Variants in MARCHF2 observed in about 807,000 individuals in gnomAD.
MARCHF2 encodes the protein E3 ubiquitin-protein ligase MARCHF2.
A neutral mutation model predicts 24.0 loss-of-function variants in MARCHF2; 22 were observed. The observed-to-expected ratio is 0.92, with a 90% confidence interval of 0.66 to 1.31. The LOEUF (loss-of-function observed/expected upper bound fraction) is 1.31, where lower values mean the gene tolerates loss of function less well. MARCHF2 is among the 50% of genes most tolerant of loss of function. MARCHF2 has a pLI of 0.00. For missense variants in MARCHF2, 301 were observed against 335.3 expected (o/e 0.90, Z 0.80); for synonymous variants, 154 against 153.0 (o/e 1.01, Z -0.05).
At chr19:8,415,121 G>A (rs1008244774) in intron 1 of MARCHF2, among the ~76,000 whole-genome samples, 13 of 152,220 alleles carry the variant, frequency 8.5e-5, no homozygotes, top group Middle Eastern at 3.4e-3. Flanking sequence ...TCTCCAGGCC[G>A]GGCGTGGTGG....
chr19:8,438,295 G>C, intron 4 of MARCHF2, 93 bp from the exon 5 acceptor site: 1 of 1,305,828 alleles, frequency 7.7e-7, no homozygotes, highest in South Asian at 1.3e-5. Context: ...ATGAGCCCCA[G>C]CCATGGTTTG....
intron 2 of MARCHF2, among the ~76,000 whole-genome samples, chr19:8,423,177 A>T (rs1156697568): frequency 6.6e-6 from 1 of 150,862 alleles, no homozygotes; most frequent in Non-Finnish European, 1.5e-5. Context: ...CTCCTGCCTC[A>T]GCCTCCCAAG....
chr19:8,415,745 A>AAAAAAAAAAAAAAAAAAAAC (rs1568233711), intron 1 of MARCHF2, among the ~76,000 whole-genome samples: 90 of 53,998 alleles, frequency 1.7e-3, no homozygotes, highest in Non-Finnish European at 2.5e-3. Flanking sequence ...CAAAAAAAAC[A>AAAAAAAAAAAAAAAAAAAAC]AAAAAAAAAA....
intron 2 of MARCHF2, among the ~76,000 whole-genome samples, chr19:8,422,639 C>T (rs1967280020): frequency 1.3e-5 from 2 of 151,530 alleles, no homozygotes; most frequent in Non-Finnish European, 2.9e-5. Context: ...GTGATCTGCC[C>T]GTCTCGGCCT....
rs751183859 is a variant in MARCHF2, at chr19:8,430,684, G to A, written c.399G>A (p.Thr133=). The change falls in exon 4 of 5, where the codon ACG becomes ACA. Residue 133 remains threonine (T), a synonymous_variant. Transcript: ENST00000215555. The surrounding 1 kb of genome is among the most constrained non-coding windows in gnomAD (Gnocchi z 4.4). ...TEWLKDPGPR[T]EKRTLCCDMV... ...GGCTGAAGGACCCGGGGCCGCGGACGGAGAAGCGGACACTGTGCTGCGACA... is the reference window on the plus strand; with the variant it reads ...GGCTGAAGGACCCGGGGCCGCGGACAGAGAAGCGGACACTGTGCTGCGACA... The A allele has an allele frequency of 2.3e-5, 37 of 1,609,598 alleles. No homozygotes were observed. In the East Asian group the frequency reaches 3.3e-4, roughly 15 times the overall value.
At chr19:8,414,611 G>T (rs957097709) in intron 1 of MARCHF2, among the ~76,000 whole-genome samples, 7 of 152,146 alleles carry the variant, frequency 4.6e-5, no homozygotes, top group African/African-American at 1.4e-4. Context: ...TAATACTGAG[G>T]CTGAGAGAGT....
At chr19:8,425,685 C>T (rs1174892782) in intron 2 of MARCHF2, among the ~76,000 whole-genome samples, 1 of 150,954 alleles carries the variant, frequency 6.6e-6, no homozygotes, top group African/African-American at 2.4e-5. Flanking sequence ...GGTGTAATCT[C>T]GGCTCACTGT....
intron 4 of MARCHF2, 105 bp from the exon 5 acceptor site, chr19:8,438,283 G>T: frequency 1.7e-6 from 2 of 1,162,676 alleles, no homozygotes; most frequent in Non-Finnish European, 2.5e-6. Flanking sequence ...GCTTCTGGAA[G>T]CATGAGCCCC....
intron 1 of MARCHF2, among the ~76,000 whole-genome samples, chr19:8,414,863 C>T (rs543862374): frequency 1.8e-4 from 27 of 152,156 alleles, no homozygotes; most frequent in Non-Finnish European, 2.9e-4. Context: ...GAATGAGGCC[C>T]AGAGAAGCAA....
chr19:8,420,214 G>T (rs149801705), intron 1 of MARCHF2, among the ~76,000 whole-genome samples: 2 of 150,238 alleles, frequency 1.3e-5, no homozygotes, highest in Non-Finnish European at 3.0e-5. Flanking sequence ...TGAGTGTGGT[G>T]GTGGGCCCCT....
In MARCHF2 at chr19:8,430,978, T is replaced by C; in HGVS notation, c.582+111T>C. ...GCACGGGGCTCCCTGGCTGCCTCTG[T>C]CTATGGCCGTGGGTGGAAGAGAGCT... On this transcript the variant is annotated intron_variant, in intron 4 of 4. Transcript: ENST00000215555. The surrounding 1 kb of genome is among the most constrained non-coding windows in gnomAD (Gnocchi z 4.4). 9.1e-7 allele frequency: 1 copy of C among 1,095,156 alleles called. No individual in the cohort carries two copies. The highest frequency in any genetic ancestry group is 1.3e-6 in the Non-Finnish European group (1 of 773,044). The allele number at this position is 1,095,156 out of a possible 1,614,324, so 67.8% of individuals were successfully genotyped here. A position where few individuals can be genotyped will look rare whatever the true frequency, so the allele number is the denominator to read the frequency against.
intron 4 of MARCHF2, among the ~76,000 whole-genome samples, chr19:8,433,862 A>G (rs1440631813): frequency 6.8e-6 from 1 of 146,450 alleles, no homozygotes; most frequent in Non-Finnish European, 1.5e-5. Flanking sequence ...ACAGAATAAG[A>G]CTCTGTCTCA....
At chr19:8,416,729 G>A (rs1211538629) in intron 1 of MARCHF2, among the ~76,000 whole-genome samples, 1 of 151,930 alleles carries the variant, frequency 6.6e-6, no homozygotes, top group African/African-American at 2.4e-5. Context: ...ACCACACCCG[G>A]CTCATTTTTG....
intron 1 of MARCHF2, among the ~76,000 whole-genome samples, chr19:8,419,530 TA>T (rs1277492558): frequency 7.2e-6 from 1 of 138,896 alleles, no homozygotes; most frequent in African/African-American, 2.7e-5. Flanking sequence ...AAAATAAAAA[TA>T]ATTGGCCGGG....
At position 8,413,589 on chromosome 19, in the gene MARCHF2, T is replaced by TG. The variant is rs2145524284; in HGVS notation, c.-53+169_-53+170insG. ...CCCGTGTCAAGGCCGGTGGGAGGTC[T>TG]CCGGGGTCCGGCACACATAGGCGCC... On this transcript the variant is annotated intron_variant, in intron 1 of 4. Coordinates refer to ENST00000215555, the MANE Select transcript of MARCHF2 (RefSeq NM_001005415.2). 2 of 152,166 alleles carry TG rather than the reference T, an allele frequency of 1.3e-5. 1 individual carries two copies. Among genetic ancestry groups the TG allele is most frequent in the South Asian group, 4.2e-4 (2 of 4,812 alleles). 9.4% of individuals were successfully genotyped at this position (152,166 alleles called of 1,614,324 possible). A position where few individuals can be genotyped will look rare whatever the true frequency, so the allele number is the denominator to read the frequency against.
intron 4 of MARCHF2, among the ~76,000 whole-genome samples, chr19:8,436,509 C>T (rs1967726008): frequency 6.6e-6 from 1 of 151,984 alleles, no homozygotes; most frequent in South Asian, 2.1e-4. Context: ...TTCATGCCAC[C>T]CTCCTTTTCC....
In MARCHF2 at chr19:8,422,030, G is replaced by A; in HGVS notation, c.176+14G>A. On this transcript the variant is annotated intron_variant, in intron 2 of 4. Transcript: ENST00000215555. The stretch of plus-strand genomic sequence containing the variant: ...GGACACACCGAGGTGAGTGGTGACT[G>A]CGTGGATATCCTGGCCTTTGTTGCC... 1 of 1,595,810 alleles carries A rather than the reference G, an allele frequency of 6.3e-7. No homozygotes were observed. Among genetic ancestry groups the A allele is most frequent in the African/African-American group, 1.3e-5 (1 of 74,554 alleles).
At chr19:8,433,243 G>T (rs866749271) in intron 4 of MARCHF2, among the ~76,000 whole-genome samples, 1 of 146,176 alleles carries the variant, frequency 6.8e-6, no homozygotes, top group Non-Finnish European at 1.5e-5. Flanking sequence ...ATTAATAAAA[G>T]AAAAAGGAAA....
chr19:8,438,717 G>A lies in MARCHF2; in HGVS notation c.*171G>A. The stretch of plus-strand genomic sequence containing the variant: ...AGCCTAGTCTGTGATCCTGTGTGAA[G>A]ATATTTTCAGGGTTTTTTTTTTTTT... On this transcript the variant is annotated 3_prime_UTR_variant, in exon 5 of 5. Transcript: ENST00000215555. 1.8e-6 allele frequency: 1 copy of A among 555,028 alleles called. No individual in the cohort carries two copies. Among genetic ancestry groups the A allele is most frequent in the Non-Finnish European group, 3.1e-6 (1 of 324,972 alleles). The allele number at this position is 555,028 out of a possible 1,614,324, so 34.4% of individuals were successfully genotyped here.
Sources: gnomAD v4.1 joint callset for allele counts (sites outside exome capture counted in the v4.1 genomes callset) on GRCh38, gnomAD v4.1.1 for gene constraint, Gnocchi (gnomAD v3.1) non-coding constraint, MANE v1.5 for transcripts, NCBI Gene and HGNC (gene_info 2026-07-23, HGNC 2026-07-21) for gene names.